Variants in FAM135A observed in about 807,000 individuals in gnomAD.
FAM135A encodes the protein protein FAM135A.
Under a neutral mutation model 146.8 loss-of-function variants are expected in FAM135A, and 79 were observed. The ratio of observed to expected loss-of-function variants is 0.54; its 90% CI spans 0.45 to 0.65. The LOEUF (loss-of-function observed/expected upper bound fraction) is 0.65, where lower values mean the gene tolerates loss of function less well. Among genes scored for constraint, FAM135A ranks in the 30% least tolerant of loss-of-function variants. The pLI is 0.00. For missense variants in FAM135A, 1,623 were observed against 1,758.2 expected (o/e 0.92, Z 1.38); for synonymous variants, 562 against 603.6 (o/e 0.93, Z 1.01).
In FAM135A at chr6:70,492,489, A is replaced by G. The variant is rs192230758; in HGVS notation, c.873+1406A>G. Among the ~76,000 whole-genome samples, 189 of 151,994 alleles carry G rather than the reference A, an allele frequency of 1.2e-3. 2 individuals carry two copies. Among genetic ancestry groups the G allele is most frequent in the East Asian group, 8.7e-3 (45 of 5,188 alleles). On this transcript the variant is annotated intron_variant, in intron 11 of 21. Transcript: ENST00000418814. ...AAGACCAATAAAAACCTAAGGGACA[A>G]AATAAGACATTGATGATTTGAAATT...
intron 5 of FAM135A, among the ~76,000 whole-genome samples, chr6:70,453,213 T>A (rs1015929892): frequency 6.6e-6 from 1 of 152,102 alleles, no homozygotes; most frequent in Non-Finnish European, 1.5e-5. Flanking sequence ...TTCTAAAGAG[T>A]TATTATGTAA....
chr6:70,557,325 T>C (rs1801035897), intron 21 of FAM135A: 1 of 172,798 alleles, frequency 5.8e-6, no homozygotes, highest in Non-Finnish European at 1.2e-5. Flanking sequence ...ACTTGAGTCC[T>C]GTTTACTCAT....
At chr6:70,486,974 A>T (rs541656140) in intron 10 of FAM135A, among the ~76,000 whole-genome samples, 9 of 149,420 alleles carry the variant, frequency 6.0e-5, no homozygotes, top group African/African-American at 2.2e-4. Flanking sequence ...TAGAGAAGAG[A>T]TGGGAGGCTG....
intron 11 of FAM135A, among the ~76,000 whole-genome samples, chr6:70,499,048 T>G (rs1787937696): frequency 6.6e-6 from 1 of 152,286 alleles, no homozygotes; most frequent in East Asian, 1.9e-4. Context: ...GCCTGTCTCA[T>G]TGATCTGTCT....
chr6:70,558,092 A>G (rs1462076846), intron 21 of FAM135A, among the ~76,000 whole-genome samples: 3 of 152,234 alleles, frequency 2.0e-5, no homozygotes, highest in Non-Finnish European at 4.4e-5. Flanking sequence ...TGATGAAGAC[A>G]TGTTTAGACT....
At position 70,559,260 on chromosome 6, in the gene FAM135A, G is replaced by T. The variant is rs529236720; in HGVS notation, c.4343-456G>T. On this transcript the variant is annotated intron_variant, in intron 21 of 21. Coordinates refer to ENST00000418814, the MANE Select transcript of FAM135A (RefSeq NM_001162529.3). ...GTTCGAGACCAGCCTGGCCAACATG[G>T]TGAAACCCCAACTCTATTAAAAATA... Among the ~76,000 whole-genome samples the T allele has an allele frequency of 3.7e-3, 567 of 152,146 alleles. 3 individuals are homozygous for T. Among genetic ancestry groups the T allele is most frequent in the African/African-American group, 0.013 (534 of 41,492 alleles).
intron 11 of FAM135A, 27 bp from the exon 12 acceptor site, chr6:70,502,609 G>A (rs573055079): frequency 5.3e-5 from 84 of 1,594,028 alleles, no homozygotes; most frequent in Non-Finnish European, 6.7e-5. Context: ...TTGGGAAATA[G>A]TGAAATTTTT....
intron 2 of FAM135A, among the ~76,000 whole-genome samples, chr6:70,423,481 G>A (rs1292957434): frequency 3.3e-5 from 5 of 152,132 alleles, no homozygotes; most frequent in African/African-American, 4.8e-5. Context: ...TTGCTTTACC[G>A]TTCTTGAGGA....
intron 4 of FAM135A, among the ~76,000 whole-genome samples, chr6:70,437,348 G>A (rs1582094694): frequency 6.6e-6 from 1 of 152,034 alleles, no homozygotes; most frequent in African/African-American, 2.4e-5. Flanking sequence ...GAAACAACAA[G>A]TGGGCTTGTT....
chr6:70,433,299 C>A (rs944803207), intron 4 of FAM135A, among the ~76,000 whole-genome samples: 2 of 152,168 alleles, frequency 1.3e-5, no homozygotes, highest in East Asian at 1.9e-4. Context: ...TGGTCTTGAT[C>A]TCCTGACCTC....
intron 21 of FAM135A, chr6:70,557,694 C>CAAAAAAAAAA (rs1177559650): frequency 1.7e-5 from 1 of 58,138 alleles, no homozygotes; most frequent in Non-Finnish European, 3.1e-5. Flanking sequence ...AACTCTGTCT[C>CAAAAAAAAAA]AAAAAAAAAA....
At chr6:70,476,039 C>T (rs536286105) in intron 7 of FAM135A, among the ~76,000 whole-genome samples, 1 of 152,292 alleles carries the variant, frequency 6.6e-6, no homozygotes, top group South Asian at 2.1e-4. Context: ...GAGCTCTTTT[C>T]CACTGTATCA....
intron 11 of FAM135A, among the ~76,000 whole-genome samples, chr6:70,496,772 ATT>A (rs60713372): frequency 5.3e-4 from 76 of 143,276 alleles, no homozygotes; most frequent in African/African-American, 1.8e-3. Context: ...TCCTTTCCCC[ATT>A]TTTTTTTTTT....
intron 2 of FAM135A, among the ~76,000 whole-genome samples, chr6:70,419,587 T>G (rs574808047): frequency 2.6e-5 from 4 of 152,338 alleles, no homozygotes; most frequent in Non-Finnish European, 4.4e-5. Flanking sequence ...TATTTCTGTT[T>G]AGCAAACTTG....
chr6:70,533,657 C>T (rs1796244184), intron 17 of FAM135A, 100 bp from the exon 18 acceptor site: 1 of 711,790 alleles, frequency 1.4e-6, no homozygotes, highest in South Asian at 1.9e-5. Context: ...TGAACTTAAC[C>T]ATACTTTCAG....
chr6:70,426,228 T>G (rs1770113660), intron 2 of FAM135A, among the ~76,000 whole-genome samples: 1 of 152,214 alleles, frequency 6.6e-6, no homozygotes, highest in Admixed American at 6.5e-5. Flanking sequence ...GAATTATATG[T>G]AAGTGAATCC....
At chr6:70,419,433 A>G (rs1768281051) in intron 2 of FAM135A, among the ~76,000 whole-genome samples, 1 of 144,032 alleles carries the variant, frequency 6.9e-6, no homozygotes, top group East Asian at 2.0e-4. Flanking sequence ...AAAAAAAAAA[A>G]GTATTCCTGT....
At chr6:70,428,625 C>T (rs3736751) in intron 4 of FAM135A, among the ~76,000 whole-genome samples, 7,036 of 152,074 alleles carry the variant, frequency 0.046, 362 homozygotes, top group African/African-American at 0.11. Flanking sequence ...TATACTGAAC[C>T]TGTGTTTATG....
At chr6:70,480,577 A>G (rs1783501727) in intron 8 of FAM135A, among the ~76,000 whole-genome samples, 1 of 152,140 alleles carries the variant, frequency 6.6e-6, no homozygotes, top group South Asian at 2.1e-4. Context: ...TTCTGACATC[A>G]GGATTTCCAA....
Sources: gnomAD v4.1 joint callset for allele counts (sites outside exome capture counted in the v4.1 genomes callset) on GRCh38, gnomAD v4.1.1 for gene constraint, MANE v1.5 for transcripts, NCBI Gene and HGNC (gene_info 2026-07-23, HGNC 2026-07-21) for gene names.